The following CROCC variants were observed in gnomAD, a reference collection of about 807,000 sequenced individuals.
CROCC encodes rootletin.
CROCC carries 180 observed loss-of-function variants against 245.2 expected under a neutral mutation model. That is an observed-to-expected ratio of 0.73 (90% CI 0.65 to 0.83). The LOEUF is 0.83. Among genes scored for constraint, CROCC ranks in the 40% least tolerant of loss-of-function variants. The pLI, the probability that CROCC is intolerant of heterozygous loss-of-function variation, is 0.00. For missense variants in CROCC, 2,688 were observed against 2,779.4 expected, an observed-to-expected ratio of 0.97 and a Z score of 0.74; for synonymous variants, 1,205 against 1,241.6, an observed-to-expected ratio of 0.97 and a Z score of 0.62.
chr1:16,956,434 A>G (rs968567481), intron 25 of CROCC, among the ~76,000 whole-genome samples: 5 of 152,230 alleles, frequency 3.3e-5, no homozygotes, highest in Non-Finnish European at 7.3e-5. Context: ...AGGAATCTGC[A>G]AACAACAAAA....
At chr1:16,960,384 T>C (rs1312868402) in intron 26 of CROCC, among the ~76,000 whole-genome samples, 4 of 152,212 alleles carry the variant, frequency 2.6e-5, no homozygotes, top group East Asian at 3.8e-4. Flanking sequence ...ACAAGTTACT[T>C]AGCATCTCTG....
intron 14 of CROCC, 129 bp downstream of exon 14, chr1:16,944,411 G>T (rs1158608971): frequency 7.9e-5 from 85 of 1,078,358 alleles, no homozygotes; most frequent in Non-Finnish European, 1.0e-4. Flanking sequence ...CTCCGATGTC[G>T]GGTTTTCTAA....
At position 16,924,369 on chromosome 1, in the gene CROCC, G is replaced by A. The variant is rs1441386669; in HGVS notation, c.241G>A (p.Glu81Lys). 3 of 1,613,248 alleles carry A rather than the reference G, an allele frequency of 1.9e-6. No homozygotes were observed. Among genetic ancestry groups the A allele is most frequent in the Admixed American group, 1.7e-5 (1 of 60,008 alleles). ...GATGGCATCGCTGCTGTCGCTGCAG[G>A]AGGAGAACCAGCTGCTGCAGCAGGA... Reference protein sequence around the residue: ...TEMASLLSLQEENQLLQQELS... With the variant: ...TEMASLLSLQKENQLLQQELS... Residue 81 changes from glutamate (E) to lysine (K), a missense_variant, in exon 3 of 37, where the codon GAG (glutamate) becomes AAG (lysine). Physicochemically the swap from Glu to Lys is moderately conservative, Grantham distance 56. Coordinates refer to ENST00000375541, the MANE Select transcript of CROCC (RefSeq NM_014675.5).
intron 31 of CROCC, among the ~76,000 whole-genome samples, 172 bp downstream of exon 31, chr1:16,968,590 C>T (rs2076459744): frequency 6.6e-6 from 1 of 152,206 alleles, no homozygotes; most frequent in Non-Finnish European, 1.5e-5. Flanking sequence ...GATCCCATAG[C>T]TAGTAAGAGG....
At chr1:16,962,406 G>C (rs1400760831) in intron 27 of CROCC, among the ~76,000 whole-genome samples, 1 of 151,068 alleles carries the variant, frequency 6.6e-6, no homozygotes, top group Non-Finnish European at 1.5e-5. Context: ...ACAGTGGCAG[G>C]CACCTGTAGT....
intron 12 of CROCC, among the ~76,000 whole-genome samples, chr1:16,939,455 A>G (rs1403381687): frequency 6.6e-6 from 1 of 152,204 alleles, no homozygotes; most frequent in African/African-American, 2.4e-5. Context: ...AGAGGGAGAC[A>G]GGTCCCTGGT....
At position 16,965,726 on chromosome 1, in the gene CROCC, G is replaced by T; in HGVS notation, c.4409G>T (p.Ser1470Ile). 1 of 1,604,988 alleles carries T rather than the reference G, an allele frequency of 6.2e-7. No homozygotes were observed. The highest frequency in any genetic ancestry group is 8.5e-7 in the Non-Finnish European group (1 of 1,172,402). ...SPARDAPAEG[S>I]GEGLNSPSTL... ...GCAAGTCTTCTTTCTCTTCTAGGAA[G>T]CGGGGAAGGGCTCAACAGCCCCAGC... Residue 1470 changes from serine (S) to isoleucine (I), a missense_variant, in exon 28 of 37, where the codon AGC becomes ATC. Ser to Ile is a moderately radical substitution (Grantham distance 142). Transcript: ENST00000375541.
At chr1:16,955,623 C>T (rs2076238601) in intron 24 of CROCC, 73 bp downstream of exon 24, 10 of 1,284,176 alleles carry the variant, frequency 7.8e-6, no homozygotes, top group East Asian at 2.5e-5. Flanking sequence ...TCACCCCCAA[C>T]GTTCTGGGGA....
chr1:16,972,680 T>TAA lies in CROCC; in HGVS notation c.*236_*237dup. The TAA allele has an allele frequency of 5.0e-6, 2 of 402,082 alleles. No homozygotes were observed. The highest frequency in any genetic ancestry group is 8.9e-6 in the Non-Finnish European group (2 of 225,756). The allele number at this position is 402,082 out of a possible 1,614,324, so 24.9% of individuals were successfully genotyped here. A position where few individuals can be genotyped will look rare whatever the true frequency, so the allele number is the denominator to read the frequency against. On this transcript the variant is annotated 3_prime_UTR_variant, in exon 37 of 37. Transcript: ENST00000375541. ...TCTAGGATGAGCCACTGTAGATCAT[T>TAA]AAAGTTCCTCCTTGAGAGGCTGAGC...
Position 16,948,523 on chromosome 1 carries a change from C to T in CROCC, c.2707C>T (p.Arg903Cys), listed in dbSNP as rs114863724. The T allele has an allele frequency of 5.0e-5, 77 of 1,535,802 alleles. No individual in the cohort carries two copies. In the African/African-American group the frequency reaches 6.4e-4, roughly 13 times the overall value. Residue 903 changes from arginine to cysteine, a missense_variant and splice_region_variant, in exon 18 of 37, where the codon CGC becomes TGC. Arg to Cys is a radical substitution (Grantham distance 180, BLOSUM62 -3). Around this residue, in one of 9 missense-constraint regions of CROCC, gnomAD observed 26 missense variants for 40.3 expected, o/e 0.64. Coordinates refer to ENST00000375541, the MANE Select transcript of CROCC (RefSeq NM_014675.5). Reference sequence around the variant, plus strand: ...CCTGTCAGAGGAGGCCACACGCCTGCGGTAAGGCCTTGGGCTCTGCCCAAC... The same window carrying T: ...CCTGTCAGAGGAGGCCACACGCCTGTGGTAAGGCCTTGGGCTCTGCCCAAC... ...RTLSEEATRL[R>C]LEKEALEGSL...
chr1:16,938,123 G>A (rs556113021), intron 10 of CROCC, among the ~76,000 whole-genome samples: 1 of 152,388 alleles, frequency 6.6e-6, no homozygotes, highest in Admixed American at 6.5e-5. Context: ...CCAGGGTACA[G>A]CCTGGTTTGG....
At position 16,960,794 on chromosome 1, in the gene CROCC, G is replaced by T; in HGVS notation, c.4069G>T (p.Gly1357Cys). 6.5e-7 allele frequency: 1 copy of T among 1,537,996 alleles called. No individual in the cohort carries two copies. The highest frequency in any genetic ancestry group is 1.2e-5 in the South Asian group (1 of 84,212). The change falls in exon 27 of 37, where the codon GGC becomes TGC. Residue 1357 changes from glycine to cysteine, a missense_variant. Physicochemically the swap from Gly to Cys is radical, Grantham distance 159. Coordinates refer to ENST00000375541, the MANE Select transcript of CROCC (RefSeq NM_014675.5). ...VAQRKLQEQE[G>C]EFRTRERRLL... is the part of the protein sequence containing the mutation. The stretch of plus-strand genomic sequence containing the variant: ...CCAGCGGAAGCTGCAGGAACAAGAA[G>T]GCGAGTTCCGGACCCGCGAGCGACG...
intron 33 of CROCC, 142 bp downstream of exon 33, chr1:16,970,076 C>G: frequency 8.0e-7 from 1 of 1,250,766 alleles, no homozygotes; most frequent in Middle Eastern, 2.6e-4. Flanking sequence ...GAGCATAGTC[C>G]TGTTATACAG....
chr1:16,936,152 CTA>C (rs1466088459), intron 8 of CROCC, among the ~76,000 whole-genome samples: 1 of 152,184 alleles, frequency 6.6e-6, no homozygotes, highest in Non-Finnish European at 1.5e-5. Context: ...TGGAGTCTCA[CTA>C]TGTTTCCCAT....
chr1:16,935,018 G>A (rs11203444), intron 8 of CROCC, among the ~76,000 whole-genome samples: 478 of 150,966 alleles, frequency 3.2e-3, no homozygotes, highest in African/African-American at 0.011. Context: ...TCCCACCTCC[G>A]CCTCCCAAGT....
chr1:16,940,118 G>A, intron 13 of CROCC, 25 bp downstream of exon 13: 1 of 1,576,590 alleles, frequency 6.3e-7, no homozygotes, highest in Non-Finnish European at 8.6e-7. Flanking sequence ...TGAGCTGGGG[G>A]GTACTGAAGA....
intron 1 of CROCC, among the ~76,000 whole-genome samples, chr1:16,916,860 A>G (rs1366253203): frequency 6.6e-6 from 1 of 152,288 alleles, no homozygotes; most frequent in African/African-American, 2.4e-5. Flanking sequence ...GCTCATGCCT[A>G]TAATCCCAGC....
At position 16,970,493 on chromosome 1, in the gene CROCC, G is replaced by C. The variant is rs771912602; in HGVS notation, c.5652+40G>C. On this transcript the variant is annotated intron_variant, in intron 34 of 36. Transcript: ENST00000375541. ...AGGCTCTCCCCTCACTTCCTCTGGG[G>C]CCTAACCGTGGTGGATCCCACTGCA... 1.4e-5 allele frequency: 21 copies of C among 1,517,792 alleles called. No homozygotes were observed. The African/African-American group carries it at 2.5e-4, about 18-fold the overall frequency. 94.0% of individuals were successfully genotyped at this position (1,517,792 alleles called of 1,614,324 possible).
intron 27 of CROCC, among the ~76,000 whole-genome samples, chr1:16,962,940 G>A (rs2076357649): frequency 6.6e-6 from 1 of 151,794 alleles, no homozygotes; most frequent in African/African-American, 2.4e-5. Context: ...CCAGCACTCT[G>A]CGAGGCCGGA....
Sources: allele counts gnomAD v4.1 joint callset (sites outside exome capture counted in the v4.1 genomes callset), GRCh38; gene constraint gnomAD v4.1.1; regional missense constraint gnomAD v4.1.1; transcripts MANE v1.5; gene names NCBI Gene and HGNC (gene_info 2026-07-23, HGNC 2026-07-21).